STAG1: variants seen among roughly 807,000 people sequenced by gnomAD.
The protein encoded by STAG1 is cohesin subunit SA-1.
STAG1 carries 26 observed loss-of-function variants against 170.9 expected under a neutral mutation model. The ratio of observed to expected loss-of-function variants is 0.15; its 90% CI spans 0.11 to 0.21. The LOEUF is 0.21. STAG1 is among the 10% of genes least tolerant of loss of function. The pLI is 1.00. For synonymous variants in STAG1, 514 were observed against 497.7 expected, an observed-to-expected ratio of 1.03 and a Z score of -0.44; for missense variants, 964 against 1,509.5, an observed-to-expected ratio of 0.64 and a Z score of 5.99.
intron 11 of STAG1, 44 bp downstream of exon 11, chr3:136,473,495 T>G: frequency 7.0e-7 from 1 of 1,427,218 alleles, no homozygotes; most frequent in Non-Finnish European, 9.8e-7. Context: ...AACTAGCATT[T>G]GTAAAGAGAA....
chr3:136,622,096 G>A (rs1264106130), intron 3 of STAG1, among the ~76,000 whole-genome samples: 5 of 134,024 alleles, frequency 3.7e-5, no homozygotes, highest in Non-Finnish European at 7.7e-5. Flanking sequence ...TCAAGAGTTC[G>A]AGACCAGCCT....
intron 1 of STAG1, among the ~76,000 whole-genome samples, chr3:136,681,281 G>A (rs959757005): frequency 2.0e-5 from 3 of 152,108 alleles, no homozygotes; most frequent in Non-Finnish European, 2.9e-5. Context: ...ATTTCAGAAA[G>A]CTACAAAAAG....
intron 1 of STAG1, among the ~76,000 whole-genome samples, chr3:136,714,959 ATATATT>A (rs1391314471): frequency 2.1e-4 from 15 of 69,814 alleles, no homozygotes; most frequent in African/African-American, 5.3e-4. Flanking sequence ...ATATATATAT[ATATATT>A]TTATATATAT....
intron 15 of STAG1, among the ~76,000 whole-genome samples, chr3:136,437,328 T>C (rs1318202048): frequency 1.3e-5 from 2 of 152,226 alleles, no homozygotes; most frequent in African/African-American, 4.8e-5. Context: ...TCAAAAGCAG[T>C]TGAAATTTAA....
intron 7 of STAG1, among the ~76,000 whole-genome samples, chr3:136,503,048 T>A (rs1933564438): frequency 6.6e-6 from 1 of 152,162 alleles, no homozygotes; most frequent in East Asian, 1.9e-4. Context: ...TTCAGTTCTA[T>A]CTTCAACAAC....
intron 22 of STAG1, among the ~76,000 whole-genome samples, chr3:136,379,154 A>G (rs548256335): frequency 2.0e-5 from 3 of 152,300 alleles, no homozygotes; most frequent in South Asian, 4.1e-4. Context: ...TCTAATAACT[A>G]AACTTCAACA....
chr3:136,513,088 C>T (rs570084749), intron 7 of STAG1, among the ~76,000 whole-genome samples: 19 of 152,020 alleles, frequency 1.2e-4, no homozygotes, highest in East Asian at 1.9e-4. Context: ...GCCCAAGTGG[C>T]GGGGTGTAGG....
rs369296327 is a variant in STAG1, at chr3:136,487,820, A to G, written c.903-10408T>C. ...GAATATAATGTAGTAGAAATGAGGA[A>G]TTCTGACTCCTGAGGCTAAGTGACT... On this transcript the variant is annotated intron_variant, in intron 9 of 33. Transcript: ENST00000383202. Among the ~76,000 whole-genome samples the G allele has an allele frequency of 2.3e-4, 35 of 152,346 alleles. No homozygotes were observed. In the South Asian group the frequency reaches 7.3e-3, roughly 32 times the overall value.
rs140768785 is a variant in STAG1, at chr3:136,506,949, G to A, written c.677-4170C>T. Among the ~76,000 whole-genome samples, 27 of 152,288 alleles carry A rather than the reference G, an allele frequency of 1.8e-4. No homozygotes were observed. In the East Asian group the frequency reaches 5.2e-3, roughly 29 times the overall value. On this transcript the variant is annotated intron_variant, in intron 7 of 33. Transcript: ENST00000383202. ...AAAATACAGACAAGATAGCCTTACA[G>A]TGTGTATATGCTATCATTTGTGCAA...
At chr3:136,518,500 C>G (rs1011676559) in intron 7 of STAG1, 2 of 642,916 alleles carry the variant, frequency 3.1e-6, no homozygotes, top group Non-Finnish European at 5.7e-6. Flanking sequence ...AAGATGAGAA[C>G]AAAATGTCCT....
In STAG1 at chr3:136,475,593, T is replaced by C. The variant is rs555765806; in HGVS notation, c.1026+1696A>G. 3.9e-5 allele frequency among the ~76,000 whole-genome samples: 6 copies of C among 152,228 alleles called. No homozygotes were observed. The East Asian group carries it at 5.8e-4, about 15-fold the overall frequency. On this transcript the variant is annotated intron_variant, in intron 10 of 33. Coordinates refer to ENST00000383202, the MANE Select transcript of STAG1 (RefSeq NM_005862.3). ...AGACTTCAATAATGGGATTCTGGGA[T>C]TGGATTACTGAAGGCTGGATTGCTA...
At chr3:136,361,118 C>A (rs1484364126) in intron 26 of STAG1, among the ~76,000 whole-genome samples, 6 of 152,094 alleles carry the variant, frequency 3.9e-5, no homozygotes, top group African/African-American at 1.4e-4. Flanking sequence ...CTACCAAATA[C>A]CATTATTCTC....
chr3:136,441,059 G>A (rs1193097446), intron 15 of STAG1, among the ~76,000 whole-genome samples: 1 of 120,418 alleles, frequency 8.3e-6, no homozygotes, highest in Non-Finnish European at 1.6e-5. Context: ...TTGAGATGAA[G>A]TCTCACTCTG....
intron 12 of STAG1, among the ~76,000 whole-genome samples, chr3:136,465,823 C>A (rs922137702): frequency 6.6e-6 from 1 of 151,962 alleles, no homozygotes; most frequent in South Asian, 2.1e-4. Flanking sequence ...CAGAATTAAC[C>A]TACTAACTAA....
intron 25 of STAG1, among the ~76,000 whole-genome samples, chr3:136,365,900 T>C (rs1300503219): frequency 6.6e-6 from 1 of 151,786 alleles, no homozygotes; most frequent in African/African-American, 2.4e-5. Context: ...CAGGTAGGCA[T>C]ATTTATGCTG....
intron 1 of STAG1, among the ~76,000 whole-genome samples, chr3:136,711,936 A>G (rs777802131): frequency 2.6e-5 from 4 of 152,258 alleles, no homozygotes; most frequent in Admixed American, 6.5e-5. Flanking sequence ...CCTCCAAGGA[A>G]GAAAAAAAAT....
At chr3:136,506,645 C>CAA (rs1248797469) in intron 7 of STAG1, among the ~76,000 whole-genome samples, 41 of 46,480 alleles carry the variant, frequency 8.8e-4, no homozygotes, top group Non-Finnish European at 7.9e-4. Context: ...GACTCCACCT[C>CAA]AAAAAAAAAA....
chr3:136,453,346 C>A (rs1351373366), intron 13 of STAG1, among the ~76,000 whole-genome samples: 1 of 152,094 alleles, frequency 6.6e-6, no homozygotes, highest in Non-Finnish European at 1.5e-5. Flanking sequence ...AATCCCAGCT[C>A]TTTGGGAGGC....
At chr3:136,616,194 G>T (rs1385566816) in intron 3 of STAG1, among the ~76,000 whole-genome samples, 1 of 151,828 alleles carries the variant, frequency 6.6e-6, no homozygotes, top group Middle Eastern at 3.2e-3. Context: ...GCATGAACCT[G>T]GGAGGCGGAA....
Sources: allele counts gnomAD v4.1 joint callset (sites outside exome capture counted in the v4.1 genomes callset), GRCh38; gene constraint gnomAD v4.1.1; transcripts MANE v1.5; gene names NCBI Gene and HGNC (gene_info 2026-07-23, HGNC 2026-07-21).